WWOX: variants seen among roughly 807,000 people sequenced by gnomAD.
WWOX encodes WW domain-containing oxidoreductase.
WWOX carries 69 observed loss-of-function variants against 46.2 expected under a neutral mutation model. The ratio of observed to expected loss-of-function variants is 1.49; its 90% CI spans 1.23 to 1.82. The LOEUF is 1.82. WWOX is among the 40% of genes most tolerant of loss of function. The pLI is 0.00. For synonymous variants in WWOX, 359 were observed against 202.6 expected, an observed-to-expected ratio of 1.77 and a Z score of -6.56; for missense variants, 919 against 542.6, an observed-to-expected ratio of 1.69 and a Z score of -6.89.
At chr16:78,253,954 C>T (rs1180941630) in intron 5 of WWOX, among the ~76,000 whole-genome samples, 1 of 152,158 alleles carries the variant, frequency 6.6e-6, no homozygotes, top group Non-Finnish European at 1.5e-5. Flanking sequence ...AAATTGAGTG[C>T]AACCGGGAAG....
rs890752855 is a variant in WWOX at position 78,194,945 on chromosome 16, G to A, written c.516+30656G>A. ...GTGCGTTCTGCTATACAGCAGTGCTGTGTGACGCGATAGCAGGTCCTTTTT... is the reference window on the plus strand; with the variant it reads ...GTGCGTTCTGCTATACAGCAGTGCTATGTGACGCGATAGCAGGTCCTTTTT... On this transcript the variant is annotated intron_variant, in intron 5 of 8. Transcript: ENST00000566780. Among the ~76,000 whole-genome samples, 8 of 152,212 alleles carry A rather than the reference G, an allele frequency of 5.3e-5. 1 individual carries two copies. Among genetic ancestry groups the A allele is most frequent in the Admixed American group, 2.0e-4 (3 of 15,288 alleles).
intron 5 of WWOX, among the ~76,000 whole-genome samples, chr16:78,366,655 C>T (rs2081542391): frequency 6.6e-6 from 1 of 152,124 alleles, no homozygotes; most frequent in Non-Finnish European, 1.5e-5. Context: ...TCGTCTGTTG[C>T]CACTTTTGCT....
At chr16:78,662,292 A>G (rs370523099) in intron 8 of WWOX, among the ~76,000 whole-genome samples, 1 of 152,210 alleles carries the variant, frequency 6.6e-6, no homozygotes, top group Admixed American at 6.5e-5. Flanking sequence ...AGGCAAGGTC[A>G]CCAGGATTCA....
intron 6 of WWOX, among the ~76,000 whole-genome samples, chr16:78,409,418 C>G (rs1304532658): frequency 1.3e-5 from 2 of 152,026 alleles, no homozygotes; most frequent in Non-Finnish European, 2.9e-5. Context: ...TTTTTTCTGT[C>G]CCTAGTTGTT....
chr16:78,385,263 T>C (rs1434496271), intron 5 of WWOX, among the ~76,000 whole-genome samples: 2 of 152,158 alleles, frequency 1.3e-5, no homozygotes, highest in African/African-American at 4.8e-5. Flanking sequence ...TTGGACATCA[T>C]TGCCATCCAT....
At chr16:78,331,843 C>T (rs563694736) in intron 5 of WWOX, among the ~76,000 whole-genome samples, 114 of 152,290 alleles carry the variant, frequency 7.5e-4, no homozygotes, top group Non-Finnish European at 1.3e-3. Flanking sequence ...CTTCCAACAA[C>T]GTGTCAGATG....
chr16:78,306,171 T>G (rs985513012), intron 5 of WWOX, among the ~76,000 whole-genome samples: 3 of 152,074 alleles, frequency 2.0e-5, no homozygotes, highest in African/African-American at 7.2e-5. Flanking sequence ...AGTGAACGGG[T>G]GGCTTCTTCA....
chr16:78,150,501 C>T (rs1415327726), intron 4 of WWOX, among the ~76,000 whole-genome samples: 3 of 152,184 alleles, frequency 2.0e-5, no homozygotes, highest in African/African-American at 7.2e-5. Context: ...GCCTCAGCTT[C>T]CTGAGTAGCT....
intron 8 of WWOX, among the ~76,000 whole-genome samples, chr16:78,576,666 C>T (rs375288681): frequency 5.9e-5 from 9 of 152,130 alleles, no homozygotes; most frequent in Non-Finnish European, 1.3e-4. Flanking sequence ...GACCCTGTCT[C>T]TACTCACATA....
chr16:78,764,403 G>T (rs141801252), intron 8 of WWOX, among the ~76,000 whole-genome samples: 7 of 150,730 alleles, frequency 4.6e-5, no homozygotes, highest in African/African-American at 1.7e-4. Flanking sequence ...GAGGCATTCT[G>T]TCCTCTTGTT....
chr16:78,388,640 C>T (rs1377111720), intron 6 of WWOX, among the ~76,000 whole-genome samples: 29 of 67,392 alleles, frequency 4.3e-4, no homozygotes, highest in South Asian at 1.5e-3. Context: ...ATTGAGACTC[C>T]GTCTCAAAAA....
At chr16:78,929,674 C>T (rs1471794296) in intron 8 of WWOX, among the ~76,000 whole-genome samples, 2 of 152,160 alleles carry the variant, frequency 1.3e-5, no homozygotes, top group Non-Finnish European at 2.9e-5. Flanking sequence ...GCGTGGACTG[C>T]ATGCTGCAGC....
intron 5 of WWOX, among the ~76,000 whole-genome samples, chr16:78,368,106 G>A (rs1478952669): frequency 6.6e-6 from 1 of 152,096 alleles, no homozygotes; most frequent in East Asian, 1.9e-4. Flanking sequence ...TGCTTTTTCT[G>A]CCTTTGTTGT....
intron 8 of WWOX, among the ~76,000 whole-genome samples, chr16:79,024,944 G>A (rs2047607752): frequency 6.6e-6 from 1 of 152,172 alleles, no homozygotes; most frequent in South Asian, 2.1e-4. Flanking sequence ...TGAGGATGGG[G>A]ACACAGAGTG....
At chr16:78,721,232 C>T (rs1318513350) in intron 8 of WWOX, among the ~76,000 whole-genome samples, 1 of 128,324 alleles carries the variant, frequency 7.8e-6, no homozygotes, top group African/African-American at 3.4e-5. Context: ...TTGATATGCC[C>T]CATGTCTAAG....
At chr16:78,694,184 G>T (rs1371333929) in intron 8 of WWOX, among the ~76,000 whole-genome samples, 1 of 152,124 alleles carries the variant, frequency 6.6e-6, no homozygotes, top group East Asian at 1.9e-4. Flanking sequence ...CTTCATTCCA[G>T]CCTGGGCAAC....
chr16:78,367,425 A>T (rs59901612), intron 5 of WWOX, among the ~76,000 whole-genome samples: 8,088 of 151,634 alleles, frequency 0.053, 282 homozygotes, highest in East Asian at 0.12. Context: ...TTTTTTTTCA[A>T]CTCATCAGCT....
chr16:78,731,006 A>G (rs1438282968), intron 8 of WWOX, among the ~76,000 whole-genome samples: 2 of 152,146 alleles, frequency 1.3e-5, no homozygotes, highest in Non-Finnish European at 2.9e-5. Flanking sequence ...CTGCAGAGCC[A>G]TTGATATTGA....
chr16:78,470,437 A>T (rs1389522501), intron 8 of WWOX, among the ~76,000 whole-genome samples: 2 of 152,210 alleles, frequency 1.3e-5, no homozygotes, highest in Non-Finnish European at 2.9e-5. Flanking sequence ...ACCAGAAATA[A>T]CTAAGCATGC....
Sources: allele counts gnomAD v4.1 joint callset (sites outside exome capture counted in the v4.1 genomes callset), GRCh38; gene constraint gnomAD v4.1.1; transcripts MANE v1.5; gene names NCBI Gene and HGNC (gene_info 2026-07-23, HGNC 2026-07-21).